Variants in ILDR1 observed in about 807,000 individuals in gnomAD.
ILDR1 encodes immunoglobulin like domain containing receptor 1, also known as immunoglobulin-like domain-containing receptor 1.
In ILDR1, 56 loss-of-function variants were observed where a neutral mutation model predicts 62.4. The ratio of observed to expected loss-of-function variants is 0.90; its 90% CI spans 0.72 to 1.12. The LOEUF is 1.12. Among genes scored for constraint, ILDR1 ranks in the 50% most tolerant of loss-of-function variants. The pLI, the probability that ILDR1 is intolerant of heterozygous loss-of-function variation, is 0.00. For synonymous variants in ILDR1, 284 were observed against 277.8 expected (o/e 1.02, Z -0.22); for missense variants, 736 against 710.6 (o/e 1.04, Z -0.41).
the ILDR1 span, among the ~76,000 whole-genome samples, chr3:122,044,574 G>C: frequency 1.3e-5 from 2 of 151,330 alleles, no homozygotes; most frequent in Non-Finnish European, 3.0e-5. Context: ...GTAAACTATT[G>C]ATTATTGCCA....
chr3:122,038,043 C>T, the ILDR1 span, among the ~76,000 whole-genome samples: 1 of 152,070 alleles, frequency 6.6e-6, no homozygotes, highest in Admixed American at 6.5e-5. Context: ...TTTCCTGAGG[C>T]CTGCCAGCCA....
At chr3:122,012,756 T>C (rs2071723120) in intron 1 of ILDR1, among the ~76,000 whole-genome samples, 1 of 152,246 alleles carries the variant, frequency 6.6e-6, no homozygotes, top group South Asian at 2.1e-4. Flanking sequence ...TGTACTTATC[T>C]TGACTACTTC....
chr3:122,022,168 C>T lies in ILDR1; in HGVS notation c.-91G>A. ...GCCGCCCCAGGACGCACCACCTTCT[C>T]CAAGGAACCCCTCGGGTTTCCCCTC... is the stretch of plus-strand genomic sequence containing the variant. On this transcript the variant is annotated 5_prime_UTR_variant, in exon 1 of 8. Coordinates refer to ENST00000344209, the MANE Select transcript of ILDR1 (RefSeq NM_001199799.2). 1 of 1,138,626 alleles carries T rather than the reference C, an allele frequency of 8.8e-7. No homozygotes were observed. The highest frequency in any genetic ancestry group is 1.3e-6 in the Non-Finnish European group (1 of 789,234). 70.5% of individuals were successfully genotyped at this position (1,138,626 alleles called of 1,614,324 possible).
At chr3:122,018,078 G>A (rs1451154637) in intron 1 of ILDR1, among the ~76,000 whole-genome samples, 1 of 152,136 alleles carries the variant, frequency 6.6e-6, no homozygotes, top group Non-Finnish European at 1.5e-5. Flanking sequence ...TTCTACGATA[G>A]AGACACATGC....
chr3:122,007,217 GA>G (rs1408043622), intron 1 of ILDR1, 56 bp from the exon 2 acceptor site: 36 of 1,612,412 alleles, frequency 2.2e-5, no homozygotes, highest in Non-Finnish European at 2.7e-5. Context: ...TCATGGGTAA[GA>G]AAAACAATGC....
the ILDR1 span, among the ~76,000 whole-genome samples, chr3:122,058,937 T>C: frequency 6.6e-6 from 1 of 151,902 alleles, no homozygotes; most frequent in Non-Finnish European, 1.5e-5. Flanking sequence ...TTGACAGAAT[T>C]TGGTTTTTGA....
At chr3:122,007,199 T>G in intron 1 of ILDR1, 38 bp from the exon 2 acceptor site, 1 of 1,613,972 alleles carries the variant, frequency 6.2e-7, no homozygotes, top group Non-Finnish European at 8.5e-7. Context: ...GAAGGTGACC[T>G]ACTCTGCTCA....
the ILDR1 span, among the ~76,000 whole-genome samples, chr3:122,055,096 T>G: frequency 6.6e-6 from 1 of 152,224 alleles, no homozygotes; most frequent in Non-Finnish European, 1.5e-5. Flanking sequence ...ATTTTGTTGC[T>G]GCGGAGGTTT....
chr3:122,040,500 T>C, the ILDR1 span, among the ~76,000 whole-genome samples: 1 of 151,294 alleles, frequency 6.6e-6, no homozygotes. Flanking sequence ...AGAAAAACAG[T>C]AAACTTGGAG....
At position 122,005,306 on chromosome 3, in the gene ILDR1, CG is replaced by C. The variant is rs2071589856; in HGVS notation, c.316del (p.Arg106GlyfsTer10). On this transcript the variant is annotated frameshift_variant, in exon 3 of 8. Transcript: ENST00000344209. LOFTEE classifies it high-confidence loss of function. ...CCCCAGCACGGGCTCATTCTGCCCC[CG>C]CCGCTGGGCCACTATGCGAACTTCC... Reference protein sequence around the residue: ...QREVRIVAQRRGQNEPVLGVD... With the variant: ...QREVRIVAQRXGQNEPVLGVD... 2.5e-6 allele frequency: 4 copies of C among 1,613,894 alleles called. No homozygotes were observed. Among genetic ancestry groups the C allele is most frequent in the Non-Finnish European group, 3.4e-6 (4 of 1,179,974 alleles).
the ILDR1 span, among the ~76,000 whole-genome samples, chr3:122,039,132 C>T: frequency 3.9e-4 from 59 of 151,168 alleles, no homozygotes; most frequent in African/African-American, 1.1e-3. Flanking sequence ...ATAACATACA[C>T]GTACTGAAAT....
chr3:122,029,527 T>C, the ILDR1 span, among the ~76,000 whole-genome samples: 8 of 148,434 alleles, frequency 5.4e-5, no homozygotes, highest in East Asian at 1.6e-3. Context: ...TATATATATA[T>C]ATATATTTAG....
At chr3:122,048,948 CT>C in the ILDR1 span, among the ~76,000 whole-genome samples, 55 of 152,184 alleles carry the variant, frequency 3.6e-4, no homozygotes, top group Admixed American at 1.5e-3. Flanking sequence ...TCATTATTTC[CT>C]TTCTCTGCTA....
Position 122,008,061 on chromosome 3 carries a change from A to C in ILDR1, c.59-900T>G, listed in dbSNP as rs534494449. Among the ~76,000 whole-genome samples the C allele has an allele frequency of 2.0e-5, 3 of 152,214 alleles. No individual in the cohort carries two copies. In the East Asian group the frequency reaches 5.8e-4, roughly 29 times the overall value. ...GTACTGTGCCTGTCACCTACTTGGC[A>C]CCCAACAAATGCTTGTTGAATAAAT... On this transcript the variant is annotated intron_variant, in intron 1 of 7. Transcript: ENST00000344209.
At chr3:122,035,891 C>A in the ILDR1 span, among the ~76,000 whole-genome samples, 30 of 152,242 alleles carry the variant, frequency 2.0e-4, no homozygotes, top group Admixed American at 4.6e-4. Flanking sequence ...GACTTTGGAA[C>A]TGGGTAATAG....
At chr3:122,054,077 A>G in the ILDR1 span, among the ~76,000 whole-genome samples, 4 of 152,218 alleles carry the variant, frequency 2.6e-5, no homozygotes, top group Middle Eastern at 3.2e-3. Flanking sequence ...TCATTGTTCT[A>G]TCTTCTTATT....
At chr3:122,046,168 T>C in the ILDR1 span, among the ~76,000 whole-genome samples, 1 of 151,726 alleles carries the variant, frequency 6.6e-6, no homozygotes, top group African/African-American at 2.4e-5. Context: ...TATTTCTCCT[T>C]CACTTATGAA....
At chr3:122,055,538 A>G in the ILDR1 span, 7 of 1,609,128 alleles carry the variant, frequency 4.4e-6, no homozygotes, top group Non-Finnish European at 1.7e-6. Flanking sequence ...CAGAGAAGTT[A>G]TGAGTTGTGA....
the ILDR1 span, among the ~76,000 whole-genome samples, chr3:122,030,822 C>T: frequency 3.3e-5 from 5 of 152,106 alleles, no homozygotes; most frequent in African/African-American, 1.2e-4. Context: ...TTTGGGGAGG[C>T]CCAGGAAGCA....
Sources: allele counts gnomAD v4.1 joint callset (sites outside exome capture counted in the v4.1 genomes callset), GRCh38; gene constraint gnomAD v4.1.1; transcripts MANE v1.5; gene names NCBI Gene and HGNC (gene_info 2026-07-23, HGNC 2026-07-21).